KPNA1: variants seen among roughly 807,000 people sequenced by gnomAD.
KPNA1 encodes importin subunit alpha-5.
KPNA1 carries 10 observed loss-of-function variants against 70.5 expected under a neutral mutation model. The ratio of observed to expected loss-of-function variants is 0.14; its 90% CI spans 0.09 to 0.24. The LOEUF (loss-of-function observed/expected upper bound fraction) is 0.24, where lower values mean the gene tolerates loss of function less well. KPNA1 is among the 10% of genes least tolerant of loss of function. The pLI is 1.00. For missense variants in KPNA1, 397 were observed against 637.9 expected, an observed-to-expected ratio of 0.62 and a Z score of 4.07; for synonymous variants, 192 against 221.9, an observed-to-expected ratio of 0.87 and a Z score of 1.20.
rs962270690 is a variant in KPNA1 at position 122,435,120 on chromosome 3, T to A, written c.1123-1332A>T. On this transcript the variant is annotated intron_variant, in intron 11 of 13. Coordinates refer to ENST00000344337, the MANE Select transcript of KPNA1 (RefSeq NM_002264.4). ...GAGCCGTTTCATCTTTTTATTCAAA[T>A]TTTTTATTGACAAATAATAATTGTA... Among the ~76,000 whole-genome samples the A allele has an allele frequency of 2.0e-5, 3 of 152,218 alleles. No homozygotes were observed. In the South Asian group the frequency reaches 6.2e-4, roughly 32 times the overall value.
intron 12 of KPNA1, among the ~76,000 whole-genome samples, chr3:122,430,898 C>T (rs2075896433): frequency 1.3e-5 from 2 of 152,120 alleles, no homozygotes; most frequent in African/African-American, 2.4e-5. Context: ...ATTCACCAGT[C>T]GATTACTTAA....
intron 2 of KPNA1, among the ~76,000 whole-genome samples, chr3:122,470,374 T>C (rs1458232462): frequency 2.6e-5 from 4 of 151,786 alleles, no homozygotes; most frequent in Non-Finnish European, 2.9e-5. Flanking sequence ...TAGCCGGGCG[T>C]GGCAGCGGGC....
chr3:122,503,289 T>C (rs2076851425), intron 1 of KPNA1, among the ~76,000 whole-genome samples: 1 of 151,716 alleles, frequency 6.6e-6, no homozygotes, highest in African/African-American at 2.4e-5. Flanking sequence ...AAAGAATAAA[T>C]GATAAATAAG....
chr3:122,429,579 A>G (rs1279984783), intron 12 of KPNA1, among the ~76,000 whole-genome samples: 3 of 152,156 alleles, frequency 2.0e-5, no homozygotes, highest in African/African-American at 7.2e-5. Flanking sequence ...AAATGGAGAA[A>G]TATTCCATGC....
chr3:122,469,263 T>C (rs1415540074), intron 2 of KPNA1, among the ~76,000 whole-genome samples: 1 of 151,140 alleles, frequency 6.6e-6, no homozygotes, highest in Non-Finnish European at 1.5e-5. Context: ...ACAAAGAAAT[T>C]CCCCAGGCCT....
At chr3:122,452,487 T>A (rs2076212894) in intron 6 of KPNA1, among the ~76,000 whole-genome samples, 1 of 132,286 alleles carries the variant, frequency 7.6e-6, no homozygotes, top group Non-Finnish European at 1.6e-5. Flanking sequence ...CCAGCCTGGG[T>A]GACAGGGACA....
chr3:122,463,688 C>T (rs2076350693), intron 4 of KPNA1, among the ~76,000 whole-genome samples: 1 of 152,084 alleles, frequency 6.6e-6, no homozygotes, highest in Non-Finnish European at 1.5e-5. Context: ...ATACTGACTA[C>T]TATTCACTAT....
intron 2 of KPNA1, among the ~76,000 whole-genome samples, chr3:122,477,417 TAG>T (rs1478573549): frequency 1.3e-5 from 2 of 152,140 alleles, no homozygotes; most frequent in Non-Finnish European, 2.9e-5. Flanking sequence ...GACAACAGAT[TAG>T]CCAGGCATGA....
intron 2 of KPNA1, among the ~76,000 whole-genome samples, chr3:122,481,779 A>C (rs2107480949): frequency 6.6e-6 from 1 of 152,362 alleles, no homozygotes; most frequent in Non-Finnish European, 1.5e-5. Context: ...AAGATAAATA[A>C]TATATCAGAA....
intron 2 of KPNA1, among the ~76,000 whole-genome samples, chr3:122,471,933 A>G (rs1466654057): frequency 2.6e-5 from 4 of 152,256 alleles, no homozygotes; most frequent in Non-Finnish European, 5.9e-5. Context: ...GCCTAACAAC[A>G]AAGTGTCTGT....
chr3:122,454,247 G>A lies in KPNA1; in HGVS notation c.433-246C>T, dbSNP rs146802578. 1.4e-4 allele frequency among the ~76,000 whole-genome samples: 22 copies of A among 152,302 alleles called. No individual in the cohort carries two copies. The East Asian group carries it at 4.0e-3, about 28-fold the overall frequency. On this transcript the variant is annotated intron_variant, in intron 5 of 13. Coordinates refer to ENST00000344337, the MANE Select transcript of KPNA1 (RefSeq NM_002264.4). ...GTAAACATGACACCATAAAAAGAAT[G>A]AGAGAGTGTTACATATGCTGATATG...
chr3:122,460,015 G>A (rs2107743641), intron 5 of KPNA1: 1 of 985,298 alleles, frequency 1.0e-6, no homozygotes, highest in Non-Finnish European at 1.2e-6. Context: ...CACACAAGGG[G>A]TGGGGGATAT....
intron 2 of KPNA1, among the ~76,000 whole-genome samples, chr3:122,486,577 T>C (rs558410510): frequency 2.6e-5 from 4 of 152,010 alleles, no homozygotes; most frequent in African/African-American, 9.6e-5. Flanking sequence ...AGTATCTATG[T>C]TAAAGTCTGT....
intron 13 of KPNA1, 61 bp downstream of exon 13, chr3:122,427,477 G>T: frequency 1.3e-6 from 2 of 1,491,474 alleles, no homozygotes; most frequent in South Asian, 1.3e-5. Flanking sequence ...TGTTTTTACT[G>T]AACTCTATCT....
intron 2 of KPNA1, among the ~76,000 whole-genome samples, chr3:122,480,101 A>T (rs2076553386): frequency 6.6e-6 from 1 of 152,224 alleles, no homozygotes; most frequent in African/African-American, 2.4e-5. Flanking sequence ...ACTATATGAC[A>T]TTCTGGAAAA....
At chr3:122,466,028 A>G (rs984586373) in intron 3 of KPNA1, among the ~76,000 whole-genome samples, 1 of 152,102 alleles carries the variant, frequency 6.6e-6, no homozygotes, top group Non-Finnish European at 1.5e-5. Flanking sequence ...TATTCACTTA[A>G]CACTCTCTTC....
intron 9 of KPNA1, among the ~76,000 whole-genome samples, chr3:122,447,709 A>G (rs370693688): frequency 6.6e-6 from 1 of 152,206 alleles, no homozygotes; most frequent in African/African-American, 2.4e-5. Context: ...AGGGTATTCA[A>G]TTAGGAAAAG....
At chr3:122,468,760 T>TA (rs2076409452) in intron 2 of KPNA1, among the ~76,000 whole-genome samples, 1 of 152,120 alleles carries the variant, frequency 6.6e-6, no homozygotes, top group Non-Finnish European at 1.5e-5. Flanking sequence ...ATGGAAATTC[T>TA]AAAAAAGAAC....
chr3:122,457,601 G>T (rs565749245), intron 5 of KPNA1: 2 of 794,208 alleles, frequency 2.5e-6, no homozygotes, highest in African/African-American at 3.6e-5. Flanking sequence ...ACTAAATAAG[G>T]CTACACCTGA....
Sources: allele counts gnomAD v4.1 joint callset (sites outside exome capture counted in the v4.1 genomes callset), GRCh38; gene constraint gnomAD v4.1.1; transcripts MANE v1.5; gene names NCBI Gene and HGNC (gene_info 2026-07-23, HGNC 2026-07-21).